SF3B1: variants seen among roughly 807,000 people sequenced by gnomAD.
The protein encoded by SF3B1 is splicing factor 3b subunit 1.
A neutral mutation model predicts 153.8 loss-of-function variants in SF3B1; 12 were observed. The observed-to-expected ratio is 0.08, with a 90% CI of 0.05 to 0.13. SF3B1 has a LOEUF of 0.13. SF3B1 is among the 10% of genes least tolerant of loss of function. SF3B1 has a pLI of 1.00. For synonymous variants in SF3B1, 498 were observed against 525.2 expected, an observed-to-expected ratio of 0.95 and a Z score of 0.71; for missense variants, 513 against 1,606.1, an observed-to-expected ratio of 0.32 and a Z score of 11.63.
Position 197,391,539 on chromosome 2 carries a change from T to C in SF3B1, c.*764A>G, listed in dbSNP as rs538044652. 18 of 152,324 alleles carry C rather than the reference T, an allele frequency of 1.2e-4. No individual in the cohort carries two copies. Among genetic ancestry groups the C allele is most frequent in the African/African-American group, 4.1e-4 (17 of 41,550 alleles). The allele number at this position is 152,324 out of a possible 1,614,324, so 9.4% of individuals were successfully genotyped here. On this transcript the variant is annotated 3_prime_UTR_variant, in exon 25 of 25. Transcript: ENST00000335508. Reference sequence around the variant, plus strand: ...ATTACTTAGGTATCCTCACTCCTAATAGGCAGAAAGCAGTTTTGAAGTAAA... The same window carrying C: ...ATTACTTAGGTATCCTCACTCCTAACAGGCAGAAAGCAGTTTTGAAGTAAA...
chr2:197,404,543 C>T (rs2084968681), intron 11 of SF3B1, among the ~76,000 whole-genome samples: 1 of 152,042 alleles, frequency 6.6e-6, no homozygotes, highest in Non-Finnish European at 1.5e-5. Flanking sequence ...CACCACTGCA[C>T]TCCAGCCTGG....
chr2:197,392,863 AC>A, intron 24 of SF3B1, 108 bp downstream of exon 24: 1 of 666,338 alleles, frequency 1.5e-6, no homozygotes, highest in Non-Finnish European at 2.6e-6. Flanking sequence ...CCACCATGGC[AC>A]ATATATACCT....
intron 6 of SF3B1, 81 bp from the exon 7 acceptor site, chr2:197,410,088 CG>C: frequency 1.0e-6 from 1 of 994,268 alleles, no homozygotes; most frequent in Non-Finnish European, 1.5e-6. Flanking sequence ...AAACTTTAAA[CG>C]AAAAATGTTT....
chr2:197,429,698 C>T (rs10167950), intron 1 of SF3B1, among the ~76,000 whole-genome samples: 2 of 151,798 alleles, frequency 1.3e-5, no homozygotes, highest in African/African-American at 4.8e-5. Context: ...GCAGAAGTAT[C>T]GCTTGAACCC....
In SF3B1 at chr2:197,409,883, C is replaced by A. The variant is rs1373050808; in HGVS notation, c.791G>T (p.Gly264Val). ...WDPTPSHTPA[G>V]AATPGRGDTP... ...ATCACCTCGTCCAGGAGTAGCAGCTCCCGCTGGTGTGTGGCTAGGTGTAGG... is the reference window on the plus strand; with the variant it reads ...ATCACCTCGTCCAGGAGTAGCAGCTACCGCTGGTGTGTGGCTAGGTGTAGG... Residue 264 changes from glycine (G) to valine (V), a missense_variant, in exon 7 of 25, where the codon GGA becomes GTA. Gly to Val is a moderately radical substitution (Grantham distance 109). Coordinates refer to ENST00000335508, the MANE Select transcript of SF3B1 (RefSeq NM_012433.4). 6.2e-7 allele frequency: 1 copy of A among 1,614,132 alleles called. No individual in the cohort carries two copies. The highest frequency in any genetic ancestry group is 1.1e-5 in the South Asian group (1 of 91,078).
In SF3B1 at chr2:197,399,493, T is replaced by C. The variant is rs7599575; in HGVS notation, c.3013+562A>G. On this transcript the variant is annotated intron_variant, in intron 20 of 24. Transcript: ENST00000335508. ...AATGGAATAAAAACTTTGCTCTCCA[T>C]ATCCAAGACCATTTGTAATATAGCT... 4.3e-3 allele frequency among the ~76,000 whole-genome samples: 651 copies of C among 152,300 alleles called. 6 individuals are homozygous for C. Among genetic ancestry groups the C allele is most frequent in the African/African-American group, 0.015 (624 of 41,564 alleles).
intron 20 of SF3B1, among the ~76,000 whole-genome samples, chr2:197,399,461 C>T (rs1030791695): frequency 6.6e-6 from 1 of 152,126 alleles, no homozygotes; most frequent in Non-Finnish European, 1.5e-5. Context: ...TTTCTTCATA[C>T]TGCCCTAATG....
chr2:197,398,990 G>C, intron 20 of SF3B1: 1 of 1,200,794 alleles, frequency 8.3e-7, no homozygotes, highest in Non-Finnish European at 1.1e-6. Flanking sequence ...AAAACAAACA[G>C]ATCTCCAGTC....
At chr2:197,408,826 A>G (rs2085027111) in intron 7 of SF3B1, 6 of 483,366 alleles carry the variant, frequency 1.2e-5, no homozygotes, top group African/African-American at 1.2e-4. Flanking sequence ...AGGAGGCTGA[A>G]GCAAAAGAAT....
intron 12 of SF3B1, 43 bp from the exon 13 acceptor site, chr2:197,403,078 T>C (rs774602277): frequency 7.4e-7 from 1 of 1,350,196 alleles, no homozygotes; most frequent in Admixed American, 1.8e-5. Context: ...TCACATCAAT[T>C]ACTGATGAAA....
rs1378498471 is a variant in SF3B1, at chr2:197,400,550, T to A, written c.2719-116A>T. 1.8e-6 allele frequency: 2 copies of A among 1,081,862 alleles called. No homozygotes were observed. The highest frequency in any genetic ancestry group is 1.6e-5 in the African/African-American group (1 of 62,058). The allele number at this position is 1,081,862 out of a possible 1,614,324, so 67.0% of individuals were successfully genotyped here. ...AAACATCTGTTGCTGTTTTTTTACATCAAATCTTAAAACTTGAGGTAGAAT... is the reference window on the plus strand; with the variant it reads ...AAACATCTGTTGCTGTTTTTTTACAACAAATCTTAAAACTTGAGGTAGAAT... On this transcript the variant is annotated intron_variant, in intron 18 of 24. Transcript: ENST00000335508. This position sits in a 1 kb window ranked among gnomAD's most constrained non-coding sequence, Gnocchi z 5.0.
chr2:197,431,101 C>CT (rs2085425586), intron 1 of SF3B1, among the ~76,000 whole-genome samples: 1 of 121,482 alleles, frequency 8.2e-6, no homozygotes, highest in Admixed American at 9.2e-5. Context: ...TGTGCCTTTT[C>CT]TTCTTTTTTT....
In SF3B1 at chr2:197,390,110, A is replaced by AT. The variant is rs1406506490; in HGVS notation, c.*2192dup. On this transcript the variant is annotated 3_prime_UTR_variant, in exon 25 of 25. Coordinates refer to ENST00000335508, the MANE Select transcript of SF3B1 (RefSeq NM_012433.4). ...ATAATAAGCACATAAAATAATCCAAATATCTGTGAGCCTCTATTTGGTCCC... is the reference window on the plus strand; with the variant it reads ...ATAATAAGCACATAAAATAATCCAAATTATCTGTGAGCCTCTATTTGGTCCC... The AT allele has an allele frequency of 6.6e-6, 1 of 152,202 alleles. No homozygotes were observed. Among genetic ancestry groups the AT allele is most frequent in the Non-Finnish European group, 1.5e-5 (1 of 68,036 alleles). The allele number at this position is 152,202 out of a possible 1,614,324, so 9.4% of individuals were successfully genotyped here. A position where few individuals can be genotyped will look rare whatever the true frequency, so the allele number is the denominator to read the frequency against.
intron 1 of SF3B1, among the ~76,000 whole-genome samples, chr2:197,424,329 G>A (rs1312017111): frequency 2.0e-5 from 3 of 152,060 alleles, no homozygotes; most frequent in South Asian, 4.2e-4. Context: ...GCGAAACCCC[G>A]TCTCTACTAA....
chr2:197,407,986 T>G lies in SF3B1; in HGVS notation c.1239+12A>C, dbSNP rs112865313. 1.2e-5 allele frequency: 19 copies of G among 1,608,000 alleles called. No homozygotes were observed. Among genetic ancestry groups the G allele is most frequent in the Non-Finnish European group, 1.4e-5 (16 of 1,176,220 alleles). On this transcript the variant is annotated intron_variant, in intron 9 of 24. Coordinates refer to ENST00000335508, the MANE Select transcript of SF3B1 (RefSeq NM_012433.4). ...ATCCTAAATACCACCTCATTCAAAT[T>G]TGATGTACTACCTTATATCCTTCTG...
chr2:197,422,116 T>C (rs1232385550), intron 2 of SF3B1, among the ~76,000 whole-genome samples: 1 of 152,156 alleles, frequency 6.6e-6, no homozygotes, highest in African/African-American at 2.4e-5. Context: ...AAGTGACAAT[T>C]TCCCCCTCAG....
chr2:197,428,803 G>A (rs868643923), intron 1 of SF3B1, among the ~76,000 whole-genome samples: 4 of 152,128 alleles, frequency 2.6e-5, no homozygotes, highest in African/African-American at 9.7e-5. Flanking sequence ...GCTGAGGCAT[G>A]AGAATCGCTT....
rs1321562272 is a variant in SF3B1, at chr2:197,390,674, G to A, written c.*1629C>T. ...GGCTGGAGTGTAGCAGCGCTATCTC[G>A]GCTCACTGCAAGCTCCGCCTCCCGG... On this transcript the variant is annotated 3_prime_UTR_variant, in exon 25 of 25. Coordinates refer to ENST00000335508, the MANE Select transcript of SF3B1 (RefSeq NM_012433.4). 1.3e-5 allele frequency: 2 copies of A among 149,514 alleles called. No individual in the cohort carries two copies. The highest frequency in any genetic ancestry group is 2.1e-4 in the South Asian group (1 of 4,770). 9.3% of individuals were successfully genotyped at this position (149,514 alleles called of 1,614,324 possible).
rs2085042975 is a variant in SF3B1 at position 197,409,864 on chromosome 2, T to C, written c.810A>G (p.Arg270=). 1 of 1,614,160 alleles carries C rather than the reference T, an allele frequency of 6.2e-7. No individual in the cohort carries two copies. Among genetic ancestry groups the C allele is most frequent in the African/African-American group, 1.3e-5 (1 of 75,034 alleles). Residue 270 remains arginine, a synonymous_variant, in exon 7 of 25, where the codon CGA becomes CGG. Transcript: ENST00000335508. ...HTPAGAATPG[R]GDTPGHATPG... ...GTGTCGCATGGCCTGGTGTATCACC[T>C]CGTCCAGGAGTAGCAGCTCCCGCTG... is the stretch of plus-strand genomic sequence containing the variant.
Sources: gnomAD v4.1 joint callset for allele counts (sites outside exome capture counted in the v4.1 genomes callset) on GRCh38, gnomAD v4.1.1 for gene constraint, Gnocchi (gnomAD v3.1) non-coding constraint, MANE v1.5 for transcripts, NCBI Gene and HGNC (gene_info 2026-07-23, HGNC 2026-07-21) for gene names.